The following ANK3 variants were observed in gnomAD, a reference collection of about 807,000 sequenced individuals.
ANK3 encodes the protein ankyrin 3, also known as ankyrin-3.
A neutral mutation model predicts 370.9 loss-of-function variants in ANK3; 57 were observed. That is an observed-to-expected ratio of 0.15 (90% CI 0.12 to 0.19). The LOEUF is 0.19. Among genes scored for constraint, ANK3 ranks in the 10% least tolerant of loss-of-function variants. The pLI is 1.00. For missense variants in ANK3, 4,439 were observed against 5,302.1 expected, an observed-to-expected ratio of 0.84 and a Z score of 5.06; for synonymous variants, 1,929 against 1,946.3, an observed-to-expected ratio of 0.99 and a Z score of 0.23.
Position 60,203,085 on chromosome 10 carries a change from T to C in ANK3, c.1309A>G (p.Ile437Val), listed in dbSNP as rs763000886. The change falls in exon 12 of 44, where the codon ATC (isoleucine) becomes GTC (valine). Residue 437 changes from isoleucine (I) to valine (V), a missense_variant. Physicochemically the swap from Ile to Val is conservative, Grantham distance 29. Around this residue, in one of 13 missense-constraint regions of ANK3, gnomAD observed 227 missense variants for 377.6 expected, o/e 0.60. Coordinates refer to ENST00000280772, the MANE Select transcript of ANK3 (RefSeq NM_020987.5). ...QAVTESGLTP[I>V]HVAAFMGHVN... ...TGCCCCATGAAGGCAGCAACATGGA[T>C]TGGGGTAAGGCCCGACTAAGGGGAA... 4 of 1,613,748 alleles carry C rather than the reference T, an allele frequency of 2.5e-6. No homozygotes were observed. The highest frequency in any genetic ancestry group is 2.2e-5 in the South Asian group (2 of 91,010).
At chr10:60,455,629 ATTGAT>A (rs1434857910) in intron 2 of ANK3, among the ~76,000 whole-genome samples, 1 of 152,136 alleles carries the variant, frequency 6.6e-6, no homozygotes, top group Non-Finnish European at 1.5e-5. Flanking sequence ...CGGAAATTAC[ATTGAT>A]TTTAGTCAAA....
At chr10:60,248,384 T>C (rs1183328047) in intron 7 of ANK3, among the ~76,000 whole-genome samples, 1 of 152,216 alleles carries the variant, frequency 6.6e-6, no homozygotes. Context: ...GAGTATTCCA[T>C]ATATGCTTTT....
intron 2 of ANK3, among the ~76,000 whole-genome samples, chr10:60,401,883 A>G (rs2063358522): frequency 6.6e-6 from 1 of 152,200 alleles, no homozygotes; most frequent in Non-Finnish European, 1.5e-5. Flanking sequence ...GATTTCAGGA[A>G]AGGTGAAATC....
intron 1 of ANK3, among the ~76,000 whole-genome samples, chr10:60,651,514 C>T (rs556535805): frequency 1.3e-5 from 2 of 152,172 alleles, no homozygotes; most frequent in Non-Finnish European, 2.9e-5. Flanking sequence ...TGCAAATGAA[C>T]TTCATGTTCT....
At chr10:60,236,989 T>A (rs995844133) in intron 7 of ANK3, among the ~76,000 whole-genome samples, 6 of 152,224 alleles carry the variant, frequency 3.9e-5, no homozygotes, top group Admixed American at 6.5e-5. Flanking sequence ...AAACAGGCAG[T>A]GCGCTGGATT....
chr10:60,080,626 G>GT lies in ANK3; in HGVS notation c.4351-9_4351-8insA. On this transcript the variant is annotated splice_polypyrimidine_tract_variant and intron_variant, in intron 35 of 43. Coordinates refer to ENST00000280772, the MANE Select transcript of ANK3 (RefSeq NM_020987.5). Reference sequence around the variant, plus strand: ...TCTATCTGTTTTCTCAATCTGAAAAGGAAAAAAAAAAAGACAACTCTATTT... The same window carrying GT: ...TCTATCTGTTTTCTCAATCTGAAAAGTGAAAAAAAAAAAGACAACTCTATTT... The GT allele has an allele frequency of 6.4e-7, 1 of 1,557,926 alleles. No individual in the cohort carries two copies. The highest frequency in any genetic ancestry group is 8.6e-7 in the Non-Finnish European group (1 of 1,159,742).
chr10:60,262,002 C>A (rs777959686), intron 6 of ANK3, 45 bp from the exon 7 acceptor site: 3 of 1,509,656 alleles, frequency 2.0e-6, no homozygotes, highest in Non-Finnish European at 2.8e-6. Context: ...CCTGCCAGCC[C>A]CCTGCCTGAC....
chr10:60,039,521 G>T (rs929585707), intron 43 of ANK3, among the ~76,000 whole-genome samples: 13 of 152,244 alleles, frequency 8.5e-5, no homozygotes, highest in Non-Finnish European at 1.5e-4. Context: ...TTTACGACAG[G>T]TTGCTTTTGT....
At chr10:60,280,848 G>A (rs1175184940) in intron 1 of ANK3, among the ~76,000 whole-genome samples, 2 of 152,172 alleles carry the variant, frequency 1.3e-5, no homozygotes, top group African/African-American at 4.8e-5. Context: ...CCCCCAGGTG[G>A]AGTTTAGTTT....
In ANK3 at chr10:60,108,997, A is replaced by T; in HGVS notation, c.3006T>A (p.His1002Gln). 3 of 1,614,038 alleles carry T rather than the reference A, an allele frequency of 1.9e-6. No individual in the cohort carries two copies. The South Asian group carries it at 3.3e-5, about 18-fold the overall frequency. ...ARGGSMRGSRHHGMRIIIPPR... is the reference protein window; with the variant it reads ...ARGGSMRGSRQHGMRIIIPPR... ...GAGGAATGATGATTCTCATCCCGTG[A>T]TGACGGCTTCCTCTCATGGAGCCCC... Residue 1002 changes from histidine (H) to glutamine (Q), a missense_variant, in exon 27 of 44, where the codon CAT becomes CAA. Physicochemically the swap from His to Gln is conservative, Grantham distance 24. Transcript: ENST00000280772.
intron 42 of ANK3, among the ~76,000 whole-genome samples, chr10:60,047,894 C>T (rs1225088268): frequency 6.6e-6 from 1 of 152,094 alleles, no homozygotes; most frequent in Non-Finnish European, 1.5e-5. Context: ...GTATAGAGAT[C>T]AGAATTTTAT....
At chr10:60,438,186 C>T (rs1328471457) in intron 2 of ANK3, among the ~76,000 whole-genome samples, 4 of 151,910 alleles carry the variant, frequency 2.6e-5, no homozygotes, top group Admixed American at 2.0e-4. Context: ...ACTTTCAATA[C>T]ACCAGGTTGC....
intron 17 of ANK3, among the ~76,000 whole-genome samples, chr10:60,184,813 A>G (rs1253684158): frequency 1.3e-5 from 2 of 152,230 alleles, no homozygotes; most frequent in African/African-American, 4.8e-5. Flanking sequence ...TTTGGTATCA[A>G]ACCTACTGGA....
chr10:60,478,122 T>C (rs1354381783), intron 2 of ANK3, among the ~76,000 whole-genome samples: 1 of 152,066 alleles, frequency 6.6e-6, no homozygotes, highest in Non-Finnish European at 1.5e-5. Flanking sequence ...ATGAATTTCT[T>C]TCCTGATATA....
At position 60,074,204 on chromosome 10, in the gene ANK3, T is replaced by A; in HGVS notation, c.6677A>T (p.Glu2226Val). 2 of 1,614,174 alleles carry A rather than the reference T, an allele frequency of 1.2e-6. No homozygotes were observed. The highest frequency in any genetic ancestry group is 1.7e-6 in the Non-Finnish European group (2 of 1,180,010). ...VKAFQMKASS[E>V]EDDHNRVLSK... ...TAAAACCCGATTGTGGTCATCTTCTTCACTACTGGCTTTCATTTGAAATGC... is the reference window on the plus strand; with the variant it reads ...TAAAACCCGATTGTGGTCATCTTCTACACTACTGGCTTTCATTTGAAATGC... Residue 2226 changes from glutamate (E) to valine (V), a missense_variant, in exon 37 of 44, where the codon GAA becomes GTA. By Grantham distance (121) the Glu-to-Val change is moderately radical. Coordinates refer to ENST00000280772, the MANE Select transcript of ANK3 (RefSeq NM_020987.5).
intron 1 of ANK3, among the ~76,000 whole-genome samples, chr10:60,722,395 G>A (rs1408867950): frequency 6.6e-6 from 1 of 151,856 alleles, no homozygotes; most frequent in Non-Finnish European, 1.5e-5. Flanking sequence ...AGTGAGCTAT[G>A]ATCGCACCAC....
intron 1 of ANK3, among the ~76,000 whole-genome samples, chr10:60,663,886 C>T (rs1334285840): frequency 6.6e-6 from 1 of 152,160 alleles, no homozygotes; most frequent in Non-Finnish European, 1.5e-5. Context: ...GTAGTTAGAA[C>T]AGAGCAGATC....
chr10:60,262,232 A>C (rs2097818184), intron 6 of ANK3, among the ~76,000 whole-genome samples: 1 of 152,228 alleles, frequency 6.6e-6, no homozygotes, highest in Non-Finnish European at 1.5e-5. Context: ...CAACATTTCA[A>C]GAAATTAAGA....
intron 25 of ANK3, among the ~76,000 whole-genome samples, chr10:60,133,798 G>A (rs187210944): frequency 1.3e-5 from 2 of 152,062 alleles, no homozygotes; most frequent in African/African-American, 4.8e-5. Flanking sequence ...GTGCGCCTGT[G>A]GTCCCAGCTA....
Sources: allele counts gnomAD v4.1 joint callset (sites outside exome capture counted in the v4.1 genomes callset), GRCh38; gene constraint gnomAD v4.1.1; regional missense constraint gnomAD v4.1.1; transcripts MANE v1.5; gene names NCBI Gene and HGNC (gene_info 2026-07-23, HGNC 2026-07-21).